CDR2: variants seen among roughly 807,000 people sequenced by gnomAD.
CDR2 encodes cerebellar degeneration related protein 2.
In CDR2, 34 loss-of-function variants were observed where a neutral mutation model predicts 48.4. The ratio of observed to expected loss-of-function variants is 0.70; its 90% confidence interval spans 0.53 to 0.94. The LOEUF (loss-of-function observed/expected upper bound fraction) is 0.94. Among genes scored for constraint, CDR2 ranks in the 40% least tolerant of loss-of-function variants. The pLI, the probability that CDR2 is intolerant of heterozygous loss-of-function variation, is 0.00. For synonymous variants in CDR2, 240 were observed against 219.7 expected (o/e 1.09, Z -0.82); for missense variants, 498 against 549.5 (o/e 0.91, Z 0.94).
At chr16:22,374,064 C>T (rs1442730377) in intron 1 of CDR2, among the ~76,000 whole-genome samples, 167 bp downstream of exon 1, 1 of 152,244 alleles carries the variant, frequency 6.6e-6, no homozygotes, top group East Asian at 1.9e-4. Flanking sequence ...GCCGAGGCTT[C>T]CTGCGGGCGG....
At chr16:22,351,197 C>CT (rs777409690) in intron 2 of CDR2, among the ~76,000 whole-genome samples, 1 of 152,168 alleles carries the variant, frequency 6.6e-6, no homozygotes, top group Non-Finnish European at 1.5e-5. Context: ...TGAACTCATC[C>CT]TTTTTTATGG....
At chr16:22,371,018 C>T (rs990937560) in intron 1 of CDR2, among the ~76,000 whole-genome samples, 3 of 152,182 alleles carry the variant, frequency 2.0e-5, no homozygotes, top group Non-Finnish European at 4.4e-5. Context: ...TGAGACCATC[C>T]TGGCTAACAT....
At chr16:22,351,666 C>A (rs993474454) in intron 2 of CDR2, among the ~76,000 whole-genome samples, 1 of 152,160 alleles carries the variant, frequency 6.6e-6, no homozygotes, top group Non-Finnish European at 1.5e-5. Flanking sequence ...AGTTTTATCA[C>A]CATTATCCTC....
intron 1 of CDR2, chr16:22,367,252 T>C: frequency 6.6e-6 from 1 of 152,264 alleles, no homozygotes; most frequent in East Asian, 1.9e-4. Context: ...GATCTCAAAC[T>C]TCTGGCCTCA....
At chr16:22,373,272 C>T (rs1049387030) in intron 1 of CDR2, among the ~76,000 whole-genome samples, 1 of 152,198 alleles carries the variant, frequency 6.6e-6, no homozygotes, top group Non-Finnish European at 1.5e-5. Flanking sequence ...CTGGAGACAC[C>T]ATCGGCAGGC....
rs1212206789 is a variant in CDR2, at chr16:22,346,773, TAAATGGA to T, written c.*185_*191del. ...TTGTCATGGGATTTCCTGGGGAGCT[TAAATGGA>T]AGTGGATCAGAGAACTGATACCACT... On this transcript the variant is annotated 3_prime_UTR_variant, in exon 5 of 5. Transcript: ENST00000268383. 1.5e-6 allele frequency: 1 copy of T among 654,486 alleles called. No individual in the cohort carries two copies. Among genetic ancestry groups the T allele is most frequent in the Non-Finnish European group, 2.6e-6 (1 of 378,078 alleles). 40.5% of individuals were successfully genotyped at this position (654,486 alleles called of 1,614,324 possible). A position where few individuals can be genotyped will look rare whatever the true frequency, so the allele number is the denominator to read the frequency against.
intron 2 of CDR2, among the ~76,000 whole-genome samples, chr16:22,363,105 A>AT (rs1413322935): frequency 6.6e-6 from 1 of 151,844 alleles, no homozygotes; most frequent in African/African-American, 2.4e-5. Context: ...GGTGCTTGCC[A>AT]TATTTTTTGT....
intron 2 of CDR2, among the ~76,000 whole-genome samples, chr16:22,356,953 G>GAAAAAAAAAAAAAAAAAAAAAAAA (rs1162529433): frequency 1.1e-5 from 1 of 87,518 alleles, no homozygotes; most frequent in South Asian, 3.8e-4. Flanking sequence ...AAAAAAAAAA[G>GAAAAAAAAAAAAAAAAAAAAAAAA]AAAAAAAAAA....
In CDR2 at chr16:22,347,334, G is replaced by A; in HGVS notation, c.996C>T (p.Ile332=). 6.2e-7 allele frequency: 1 copy of A among 1,614,232 alleles called. No individual in the cohort carries two copies. The highest frequency in any genetic ancestry group is 2.2e-5 in the East Asian group (1 of 44,890). Residue 332 remains isoleucine (I), a synonymous_variant, in exon 5 of 5, where the codon ATC becomes ATT. Coordinates refer to ENST00000268383, the MANE Select transcript of CDR2 (RefSeq NM_001802.2). ...DIVKGHEETC[I]RRAKAVKQRG... ...TCTGTTTCACAGCCTTGGCCCTCCTGATGCAGGTCTCCTCGTGGCCCTTCA... is the reference window on the plus strand; with the variant it reads ...TCTGTTTCACAGCCTTGGCCCTCCTAATGCAGGTCTCCTCGTGGCCCTTCA...
intron 2 of CDR2, among the ~76,000 whole-genome samples, chr16:22,353,515 G>A (rs909698000): frequency 1.3e-4 from 20 of 152,094 alleles, no homozygotes; most frequent in Non-Finnish European, 5.9e-5. Context: ...ATGCGTCTTT[G>A]GCATAAAAAG....
chr16:22,349,458 C>G lies in CDR2; in HGVS notation c.342-15G>C, dbSNP rs748769483. ...TTTCAGTCAGGCTGTGAGGAACAGA[C>G]AGAAGCCACTGCTGCTTGTCATATT... On this transcript the variant is annotated splice_polypyrimidine_tract_variant and intron_variant, in intron 3 of 4. Transcript: ENST00000268383. 6 of 1,613,790 alleles carry G rather than the reference C, an allele frequency of 3.7e-6. No individual in the cohort carries two copies. The highest frequency in any genetic ancestry group is 5.1e-6 in the Non-Finnish European group (6 of 1,179,836).
chr16:22,346,750 G>C lies in CDR2; in HGVS notation c.*215C>G. On this transcript the variant is annotated 3_prime_UTR_variant, in exon 5 of 5. Coordinates refer to ENST00000268383, the MANE Select transcript of CDR2 (RefSeq NM_001802.2). ...CAGCGCGCCAGCCAGAGGCCAGTTT[G>C]TCATGGGATTTCCTGGGGAGCTTAA... 1 of 591,774 alleles carries C rather than the reference G, an allele frequency of 1.7e-6. No homozygotes were observed. The highest frequency in any genetic ancestry group is 2.2e-5 in the South Asian group (1 of 46,444). 36.7% of individuals were successfully genotyped at this position (591,774 alleles called of 1,614,324 possible). A position where few individuals can be genotyped will look rare whatever the true frequency, so the allele number is the denominator to read the frequency against.
intron 3 of CDR2, 27 bp downstream of exon 3, chr16:22,349,670 GTCCT>G (rs750187703): frequency 6.5e-5 from 104 of 1,610,764 alleles, no homozygotes; most frequent in Non-Finnish European, 9.3e-6. Flanking sequence ...CTTCCCCCTA[GTCCT>G]TCCTTGTCAG....
At chr16:22,352,603 A>G (rs2048949808) in intron 2 of CDR2, among the ~76,000 whole-genome samples, 1 of 152,160 alleles carries the variant, frequency 6.6e-6, no homozygotes, top group Non-Finnish European at 1.5e-5. Flanking sequence ...CTGCATCAAA[A>G]AGTATGAACT....
chr16:22,359,064 C>T (rs578062529), intron 2 of CDR2, among the ~76,000 whole-genome samples: 2 of 152,206 alleles, frequency 1.3e-5, no homozygotes, highest in Admixed American at 6.5e-5. Context: ...ACGTCACAGG[C>T]GCCCCAGATA....
At chr16:22,364,819 A>G (rs1349999346) in intron 2 of CDR2, 83 bp downstream of exon 2, 3 of 737,752 alleles carry the variant, frequency 4.1e-6, no homozygotes, top group East Asian at 5.4e-5. Flanking sequence ...TCTAATTGCA[A>G]GTGCTTTTTT....
At chr16:22,368,391 G>A (rs571744307) in intron 1 of CDR2, among the ~76,000 whole-genome samples, 3 of 152,248 alleles carry the variant, frequency 2.0e-5, no homozygotes, top group Non-Finnish European at 2.9e-5. Flanking sequence ...TGTATTGTTA[G>A]TAGAGATGGG....
Position 22,374,300 on chromosome 16 carries a change from C to G in CDR2, c.10G>C (p.Glu4Gln). 1.3e-6 allele frequency: 2 copies of G among 1,599,616 alleles called. No homozygotes were observed. The highest frequency in any genetic ancestry group is 1.7e-6 in the Non-Finnish European group (2 of 1,173,726). Residue 4 changes from glutamate (E) to glutamine (Q), a missense_variant, in exon 1 of 5, where the codon GAA (glutamate) becomes CAA (glutamine). Physicochemically the swap from Glu to Gln is conservative, Grantham distance 29. Coordinates refer to ENST00000268383, the MANE Select transcript of CDR2 (RefSeq NM_001802.2). The stretch of plus-strand genomic sequence containing the variant: ...ATCTCAAACTCCTCTACCAGGTTTT[C>G]CGCCAGCATCTCGGCTGGGTCTTCT... The part of the protein sequence containing the change: MLA[E>Q]NLVEEFEMKE...
chr16:22,368,415 G>A (rs1456194111), intron 1 of CDR2, among the ~76,000 whole-genome samples: 3 of 152,160 alleles, frequency 2.0e-5, no homozygotes, highest in Non-Finnish European at 2.9e-5. Flanking sequence ...TCACTATGCT[G>A]GCCAGGCTGG....
Sources: allele counts gnomAD v4.1 joint callset (sites outside exome capture counted in the v4.1 genomes callset), GRCh38; gene constraint gnomAD v4.1.1; transcripts MANE v1.5; gene names NCBI Gene and HGNC (gene_info 2026-07-23, HGNC 2026-07-21).